The following HRH1 variants were observed in gnomAD, a reference collection of about 807,000 sequenced individuals.
HRH1 encodes histamine receptor H1.
In HRH1, 6 loss-of-function variants were observed where a neutral mutation model predicts 10.3. The ratio of observed to expected loss-of-function variants is 0.58; its 90% CI spans 0.32 to 1.15. The LOEUF (loss-of-function observed/expected upper bound fraction) is 1.15. Among genes scored for constraint, HRH1 ranks in the 50% most tolerant of loss-of-function variants. The pLI is 0.05. For synonymous variants in HRH1, 242 were observed against 236.7 expected (o/e 1.02, Z -0.21); for missense variants, 514 against 615.3 (o/e 0.84, Z 1.74).
chr3:11,196,897 C>A (rs1470227899), intron 1 of HRH1, among the ~76,000 whole-genome samples: 3 of 142,244 alleles, frequency 2.1e-5, no homozygotes, highest in Non-Finnish European at 4.5e-5. Context: ...ATCACGAGGT[C>A]GGGAGATCGA....
At chr3:11,198,927 CA>C (rs1400976108) in intron 1 of HRH1, among the ~76,000 whole-genome samples, 1 of 148,808 alleles carries the variant, frequency 6.7e-6, no homozygotes, top group South Asian at 2.1e-4. Flanking sequence ...CACACACACA[CA>C]TTTTTTTTTT....
chr3:11,203,754 G>A (rs1292197707), intron 1 of HRH1, among the ~76,000 whole-genome samples: 2 of 152,114 alleles, frequency 1.3e-5, no homozygotes, highest in East Asian at 3.9e-4. Context: ...TAGCTTTATA[G>A]TAAGTCTTAA....
At chr3:11,137,746 T>A (rs1936211081) in intron 1 of HRH1, among the ~76,000 whole-genome samples, 1 of 152,140 alleles carries the variant, frequency 6.6e-6, no homozygotes. Context: ...GACCCTGTTA[T>A]CTTCAGATTC....
At chr3:11,227,265 T>G (rs2125042742) in intron 1 of HRH1, among the ~76,000 whole-genome samples, 1 of 152,036 alleles carries the variant, frequency 6.6e-6, no homozygotes, top group South Asian at 2.1e-4. Flanking sequence ...AAATGCCATT[T>G]GCCTATGGGG....
chr3:11,155,576 G>A (rs1936769022), intron 1 of HRH1, among the ~76,000 whole-genome samples: 2 of 152,170 alleles, frequency 1.3e-5, no homozygotes, highest in African/African-American at 4.8e-5. Flanking sequence ...AGATGTTCCA[G>A]GCAGAGTGGC....
At chr3:11,213,868 A>T (rs1343100727) in intron 1 of HRH1, among the ~76,000 whole-genome samples, 2 of 152,222 alleles carry the variant, frequency 1.3e-5, no homozygotes, top group Non-Finnish European at 2.9e-5. Flanking sequence ...AGACCAGCAA[A>T]ATAAGGTAGA....
intron 1 of HRH1, among the ~76,000 whole-genome samples, chr3:11,224,241 G>A (rs1280304097): frequency 6.6e-6 from 1 of 152,172 alleles, no homozygotes; most frequent in Non-Finnish European, 1.5e-5. Context: ...AAACAGGGGA[G>A]AGAAAAGCTC....
At chr3:11,213,548 G>A (rs1938395543) in intron 1 of HRH1, among the ~76,000 whole-genome samples, 1 of 152,204 alleles carries the variant, frequency 6.6e-6, no homozygotes, top group African/African-American at 2.4e-5. Context: ...AGTGTGTAGG[G>A]AGGGTTCCTT....
intron 1 of HRH1, among the ~76,000 whole-genome samples, chr3:11,216,553 A>G (rs1217386049): frequency 6.6e-6 from 1 of 152,330 alleles, no homozygotes; most frequent in African/African-American, 2.4e-5. Flanking sequence ...ATCTGCCTAT[A>G]TGAGGTCCCT....
At chr3:11,153,502 C>A (rs1288664021), upstream of HRH1, among the ~76,000 whole-genome samples, 1 of 151,426 alleles carries the variant, frequency 6.6e-6, no homozygotes, top group Non-Finnish European at 1.5e-5. Context: ...CCCCCACCCC[C>A]ACACCCCAAC....
chr3:11,177,575 G>T (rs147563730), intron 1 of HRH1, among the ~76,000 whole-genome samples: 281 of 152,182 alleles, frequency 1.8e-3, no homozygotes, highest in African/African-American at 6.4e-3. Context: ...CACAGCACTC[G>T]TCCCCCTGAG....
At chr3:11,194,594 GAGGTGGGTC>G (rs1937606951) in intron 1 of HRH1, among the ~76,000 whole-genome samples, 1 of 152,204 alleles carries the variant, frequency 6.6e-6, no homozygotes. Flanking sequence ...TTGGGAGGCT[GAGGTGGGTC>G]AGGAGTTCGA....
intron 1 of HRH1, among the ~76,000 whole-genome samples, chr3:11,143,385 G>A (rs1936333421): frequency 6.6e-6 from 1 of 152,204 alleles, no homozygotes; most frequent in Non-Finnish European, 1.5e-5. Context: ...CAGGAGAAGG[G>A]AGGGACATTA....
intron 1 of HRH1, among the ~76,000 whole-genome samples, chr3:11,160,480 A>G (rs1936901167): frequency 6.6e-6 from 1 of 152,248 alleles, no homozygotes; most frequent in African/African-American, 2.4e-5. Context: ...AGACTAAATT[A>G]TCGCTCTCTA....
In HRH1 at chr3:11,201,646, T is replaced by G. The variant is rs565520675; in HGVS notation, c.-36+47092T>G. Among the ~76,000 whole-genome samples, 4 of 152,266 alleles carry G rather than the reference T, an allele frequency of 2.6e-5. No individual in the cohort carries two copies. In the South Asian group the frequency reaches 8.3e-4, roughly 32 times the overall value. On this transcript the variant is annotated intron_variant, in intron 1 of 1. Coordinates refer to ENST00000431010, the MANE Select transcript of HRH1 (RefSeq NM_001098212.2). ...AACAGGCTGAAAAAACAGCATATCC[T>G]TAGACTAGTCGGAGAAGGGCTGTCT...
chr3:11,200,981 C>A (rs61430408), intron 1 of HRH1, among the ~76,000 whole-genome samples: 5,918 of 152,220 alleles, frequency 0.039, 335 homozygotes, highest in African/African-American at 0.12. Flanking sequence ...GAGTAGAATT[C>A]TTTGTTTTTT....
chr3:11,260,288 G>C lies in HRH1; in HGVS notation c.1251G>C (p.Leu417Phe), dbSNP rs765705398. Residue 417 changes from leucine to phenylalanine, a missense_variant, in exon 2 of 2, where the codon TTG becomes TTC. By Grantham distance (22) the Leu-to-Phe change is conservative. Coordinates refer to ENST00000431010, the MANE Select transcript of HRH1 (RefSeq NM_001098212.2). ...GCGAAAGGAAGGCCGCCAAACAGTT[G>C]GGTTTTATCATGGCAGCCTTCATCC... ...MNRERKAAKQ[L>F]GFIMAAFILC... 6.2e-7 allele frequency: 1 copy of C among 1,614,146 alleles called. No individual in the cohort carries two copies. Among genetic ancestry groups the C allele is most frequent in the Non-Finnish European group, 8.5e-7 (1 of 1,180,010 alleles).
At chr3:11,193,878 C>T (rs558779579) in intron 1 of HRH1, among the ~76,000 whole-genome samples, 27 of 152,214 alleles carry the variant, frequency 1.8e-4, no homozygotes, top group African/African-American at 5.8e-4. Context: ...AATATTCAGA[C>T]CTTAAGCAGC....
chr3:11,252,081 A>G (rs1349610235), intron 1 of HRH1, among the ~76,000 whole-genome samples: 1 of 152,046 alleles, frequency 6.6e-6, no homozygotes, highest in African/African-American at 2.4e-5. Context: ...AGATGTTTTA[A>G]CCTTTCTACC....
Sources: gnomAD v4.1 joint callset for allele counts (sites outside exome capture counted in the v4.1 genomes callset) on GRCh38, gnomAD v4.1.1 for gene constraint, MANE v1.5 for transcripts, NCBI Gene and HGNC (gene_info 2026-07-23, HGNC 2026-07-21) for gene names.